TEP1: variants seen among roughly 807,000 people sequenced by gnomAD.
TEP1 encodes the protein telomerase protein component 1.
TEP1 carries 241 observed loss-of-function variants against 306.3 expected under a neutral mutation model. The observed-to-expected ratio is 0.79, with a 90% CI of 0.71 to 0.88. The LOEUF (loss-of-function observed/expected upper bound fraction) is 0.88, where lower values mean the gene tolerates loss of function less well. TEP1 is among the 40% of genes least tolerant of loss of function. TEP1 has a pLI of 0.00. For synonymous variants in TEP1, 1,289 were observed against 1,305.5 expected (o/e 0.99, Z 0.27); for missense variants, 3,051 against 3,276.1 (o/e 0.93, Z 1.68).
intron 18 of TEP1, 51 bp from the exon 19 acceptor site, chr14:20,386,674 C>G (rs536224724): frequency 2.0e-6 from 3 of 1,501,354 alleles, no homozygotes; most frequent in Admixed American, 4.2e-5. Context: ...TCCCACCCCC[C>G]ATCCATAGAC....
chr14:20,391,623 G>C lies in TEP1; in HGVS notation c.2073C>G (p.Leu691=), dbSNP rs1240297512. 1.2e-6 allele frequency: 2 copies of C among 1,613,922 alleles called. No homozygotes were observed. Among genetic ancestry groups the C allele is most frequent in the Non-Finnish European group, 8.5e-7 (1 of 1,180,004 alleles). The change falls in exon 13 of 55, where the codon CTC becomes CTG. Residue 691 remains leucine, a synonymous_variant. Transcript: ENST00000262715. The stretch of plus-strand genomic sequence containing the variant: ...CCCCTTGTGGGTTGCTCTTTGGACA[G>C]AGCCTGTCTGCATTAGCATCTGTCA... ...VYLTDANADR[L]CPKSNPQGPP...
chr14:20,373,335 G>A lies in TEP1; in HGVS notation c.6749C>T (p.Ser2250Leu), dbSNP rs1449145695. Residue 2250 changes from serine to leucine, a missense_variant, in exon 47 of 55, where the codon TCA (serine) becomes TTA (leucine). Around this residue, in one of 3 missense-constraint regions of TEP1, gnomAD observed 1,540 missense variants for 1,705.9 expected, o/e 0.90. Coordinates refer to ENST00000262715, the MANE Select transcript of TEP1 (RefSeq NM_007110.5). Reference sequence around the variant, plus strand: ...CTCAGAGGCGGTCAGCATGAGGCCTGAGGTTTCTGAAACAGCAGCAGCACG... The same window carrying A: ...CTCAGAGGCGGTCAGCATGAGGCCTAAGGTTTCTGAAACAGCAGCAGCACG... The part of the protein sequence containing the change: ...PVRAAAVSET[S>L]GLMLTASEDG... 6.2e-7 allele frequency: 1 copy of A among 1,614,214 alleles called. No individual in the cohort carries two copies. The highest frequency in any genetic ancestry group is 1.7e-5 in the Admixed American group (1 of 60,024).
rs1879383186 is a variant in TEP1 at position 20,408,412 on chromosome 14, C to T, written c.28G>A (p.Ala10Thr). The T allele has an allele frequency of 6.2e-7, 1 of 1,613,712 alleles. No individual in the cohort carries two copies. Among genetic ancestry groups the T allele is most frequent in the African/African-American group, 1.3e-5 (1 of 75,046 alleles). The change falls in exon 2 of 55, where the codon GCC (alanine) becomes ACC (threonine). Residue 10 changes from alanine (A) to threonine (T), a missense_variant. Ala to Thr is a moderately conservative substitution (Grantham distance 58). Around this residue, in one of 3 missense-constraint regions of TEP1, gnomAD observed 1,507 missense variants for 1,550.5 expected, o/e 0.97. Transcript: ENST00000262715. ...TCCAAGGAGAGGATGTCTGGATGGG[C>T]AGACACATGCCCATGGAGTTTTTCC... MEKLHGHVS[A>T]HPDILSLENR...
intron 9 of TEP1, among the ~76,000 whole-genome samples, chr14:20,397,531 T>C (rs1455097956): frequency 6.6e-6 from 1 of 152,084 alleles, no homozygotes; most frequent in Non-Finnish European, 1.5e-5. Context: ...TAAAAAAAAG[T>C]TCACCATTTA....
At position 20,381,404 on chromosome 14, in the gene TEP1, GC is replaced by G. The variant is rs1348677006; in HGVS notation, c.4559-4del. The G allele has an allele frequency of 1.9e-6, 3 of 1,613,968 alleles. 1 individual carries two copies. On this transcript the variant is annotated splice_polypyrimidine_tract_variant and splice_region_variant and intron_variant, in intron 31 of 54. Coordinates refer to ENST00000262715, the MANE Select transcript of TEP1 (RefSeq NM_007110.5). This position sits in a 1 kb window ranked among gnomAD's most constrained non-coding sequence, Gnocchi z 4.0. The stretch of plus-strand genomic sequence containing the variant: ...GTCACATGTCTTCCAGAGCTGAGCT[GC>G]ATGAACAGATATTGAGAAAGGCTCA...
chr14:20,393,141 C>T (rs769631716), intron 12 of TEP1, among the ~76,000 whole-genome samples: 2 of 151,442 alleles, frequency 1.3e-5, no homozygotes, highest in African/African-American at 2.4e-5. Context: ...GGTGTGAACC[C>T]AGGAGGTGGA....
At chr14:20,403,137 G>A (rs1878886561) in intron 7 of TEP1, among the ~76,000 whole-genome samples, 1 of 144,298 alleles carries the variant, frequency 6.9e-6, no homozygotes, top group Non-Finnish European at 1.5e-5. Flanking sequence ...TCCAGCCTGG[G>A]CCACAGTGCA....
At chr14:20,401,621 C>G (rs1255106430) in intron 7 of TEP1, 40 bp from the exon 8 acceptor site, 2 of 1,608,170 alleles carry the variant, frequency 1.2e-6, no homozygotes, top group Non-Finnish European at 1.7e-6. Context: ...GTCCTTTCAT[C>G]CATGACCATG....
chr14:20,406,670 G>C (rs1879201267), intron 2 of TEP1, among the ~76,000 whole-genome samples: 1 of 152,182 alleles, frequency 6.6e-6, no homozygotes, highest in Admixed American at 6.5e-5. Context: ...GTCACAACCT[G>C]GGAGCATGGG....
intron 5 of TEP1, 99 bp downstream of exon 5, chr14:20,404,512 A>C (rs535106984): frequency 2.1e-6 from 3 of 1,449,892 alleles, no homozygotes; most frequent in South Asian, 2.8e-5. Context: ...AGGAAAGCTG[A>C]GGGGAAACCA....
At chr14:20,410,120 G>T (rs913839626) in intron 1 of TEP1, among the ~76,000 whole-genome samples, 3 of 149,576 alleles carry the variant, frequency 2.0e-5, no homozygotes, top group African/African-American at 7.4e-5. Flanking sequence ...TTTGAGCATT[G>T]CCTGGCACTA....
intron 3 of TEP1, among the ~76,000 whole-genome samples, chr14:20,405,834 C>T (rs918091930): frequency 2.0e-5 from 3 of 151,998 alleles, no homozygotes; most frequent in Non-Finnish European, 2.9e-5. Flanking sequence ...GCCAACATGG[C>T]GAAATCCCAT....
rs1351694088 is a variant in TEP1, at chr14:20,401,002, C to T, written c.1531G>A (p.Val511Ile). The change falls in exon 9 of 55, where the codon GTC becomes ATC. Residue 511 changes from valine to isoleucine, a missense_variant. Val to Ile is a conservative substitution (Grantham distance 29). Transcript: ENST00000262715. ...ELSLRGNKASVWEELIENGKL... is the reference protein window; with the variant it reads ...ELSLRGNKASIWEELIENGKL... ...ACTCTACCAATGAGTTCCTCCCAGA[C>T]CGACGCTTTGTTCCCCCGTAGGCTC... 3 of 1,614,094 alleles carry T rather than the reference C, an allele frequency of 1.9e-6. No homozygotes were observed. The highest frequency in any genetic ancestry group is 1.6e-4 in the Middle Eastern group (1 of 6,084).
chr14:20,405,378 C>G, intron 4 of TEP1, 73 bp downstream of exon 4: 3 of 1,548,528 alleles, frequency 1.9e-6, no homozygotes, highest in Non-Finnish European at 2.6e-6. Flanking sequence ...TAGTCACCAC[C>G]CCGCCACACA....
Position 20,378,970 on chromosome 14 carries a change from G to C in TEP1, c.5252+11C>G. The C allele has an allele frequency of 6.2e-7, 1 of 1,614,186 alleles. No individual in the cohort carries two copies. Among genetic ancestry groups the C allele is most frequent in the Non-Finnish European group, 8.5e-7 (1 of 1,180,024 alleles). ...GCCCTCATTCCAAGACAAATGGGGA[G>C]GACCCCTTACCGACAACCATGCTGC... On this transcript the variant is annotated intron_variant, in intron 36 of 54. Transcript: ENST00000262715.
At chr14:20,393,951 G>A (rs1877958699) in intron 12 of TEP1, among the ~76,000 whole-genome samples, 1 of 152,146 alleles carries the variant, frequency 6.6e-6, no homozygotes, top group African/African-American at 2.4e-5. Context: ...GCTGGGTGCA[G>A]TGGTGTGTGC....
In TEP1 at chr14:20,387,893, A is replaced by G; in HGVS notation, c.2684+12T>C. The G allele has an allele frequency of 1.3e-6, 2 of 1,592,586 alleles. No homozygotes were observed. Among genetic ancestry groups the G allele is most frequent in the Non-Finnish European group, 1.7e-6 (2 of 1,173,106 alleles). ...CCTCCCAATTCACAAAGGCATAGAA[A>G]CACAGACTGACCCTTGCTGGGAAAC... On this transcript the variant is annotated intron_variant, in intron 18 of 54. Transcript: ENST00000262715.
rs1877368902 is a variant in TEP1, at chr14:20,388,156, A to G, written c.2526-93T>C. On this transcript the variant is annotated intron_variant, in intron 17 of 54. Transcript: ENST00000262715. Reference sequence around the variant, plus strand: ...AGGGCAGGGGGAAAAAGATATGTCCAGGTTTGGTGACCAGTTAAGTCAAGC... The same window carrying G: ...AGGGCAGGGGGAAAAAGATATGTCCGGGTTTGGTGACCAGTTAAGTCAAGC... The G allele has an allele frequency of 5.7e-6, 8 of 1,413,264 alleles. 1 individual carries two copies. The Middle Eastern group carries it at 8.8e-4, about 156-fold the overall frequency. The allele number at this position is 1,413,264 out of a possible 1,614,324, so 87.5% of individuals were successfully genotyped here.
At position 20,372,744 on chromosome 14, in the gene TEP1, G is replaced by A. The variant is rs376749010; in HGVS notation, c.7065C>T (p.Pro2355=). 2.0e-5 allele frequency: 32 copies of A among 1,613,934 alleles called. No homozygotes were observed. Among genetic ancestry groups the A allele is most frequent in the South Asian group, 6.6e-5 (6 of 91,046 alleles). ...TCAGCCTGTTTCACCTCAAATTTCC[G>A]GGTGCCGAACCCTTCCGCAGTTTCA... is the stretch of plus-strand genomic sequence containing the variant. ...WQVKLRKGSA[P]GNLSLHLNRI... is the part of the protein sequence containing the mutation. Residue 2355 remains proline (P), a synonymous_variant, in exon 49 of 55, where the codon CCC becomes CCT. Coordinates refer to ENST00000262715, the MANE Select transcript of TEP1 (RefSeq NM_007110.5).
Sources: allele counts gnomAD v4.1 joint callset (sites outside exome capture counted in the v4.1 genomes callset), GRCh38; gene constraint gnomAD v4.1.1; regional missense constraint gnomAD v4.1.1; non-coding constraint Gnocchi (gnomAD v3.1); transcripts MANE v1.5; gene names NCBI Gene and HGNC (gene_info 2026-07-23, HGNC 2026-07-21).